The following SPARCL1 variants were observed in gnomAD, a reference collection of about 807,000 sequenced individuals.
SPARCL1 encodes the protein SPARC-like protein 1.
In SPARCL1, 52 loss-of-function variants were observed where a neutral mutation model predicts 67.1. The observed-to-expected ratio is 0.78, with a 90% confidence interval of 0.62 to 0.98. The LOEUF is 0.98. Among genes scored for constraint, SPARCL1 ranks in the 50% least tolerant of loss-of-function variants. The pLI, the probability that SPARCL1 is intolerant of heterozygous loss-of-function variation, is 0.00. For missense variants in SPARCL1, 717 were observed against 782.4 expected, an observed-to-expected ratio of 0.92 and a Z score of 1.00; for synonymous variants, 226 against 267.8, an observed-to-expected ratio of 0.84 and a Z score of 1.52.
intron 7 of SPARCL1, among the ~76,000 whole-genome samples, chr4:87,488,073 C>G (rs1724147838): frequency 6.6e-6 from 1 of 152,088 alleles, no homozygotes; most frequent in South Asian, 2.1e-4. Flanking sequence ...TTGTTATTAC[C>G]CATGTTCTGA....
Position 87,490,397 on chromosome 4 carries a change from TGGAAGA to T in SPARCL1, c.1411-10_1411-5del, listed in dbSNP as rs1157060796. The T allele has an allele frequency of 1.9e-6, 3 of 1,600,038 alleles. No homozygotes were observed. Among genetic ancestry groups the T allele is most frequent in the Non-Finnish European group, 2.6e-6 (3 of 1,175,884 alleles). ...TCTGATTGTCAGTGCCACAAACCTA[TGGAAGA>T]TAAGTAGAAGAAAAAGCTGATAGAG... On this transcript the variant is annotated splice_polypyrimidine_tract_variant and splice_region_variant and intron_variant, in intron 6 of 10. Transcript: ENST00000282470.
At chr4:87,480,938 C>A (rs1190330917) in intron 8 of SPARCL1, among the ~76,000 whole-genome samples, 1 of 151,198 alleles carries the variant, frequency 6.6e-6, no homozygotes, top group East Asian at 2.0e-4. Context: ...TCTTAGTCTT[C>A]TAGGTCATCC....
At chr4:87,499,608 T>G (rs191436063) in intron 1 of SPARCL1, 23 bp from the exon 2 acceptor site, 71 of 1,560,980 alleles carry the variant, frequency 4.5e-5, no homozygotes, top group Non-Finnish European at 6.0e-5. Context: ...AAGATAATTA[T>G]CAGTGGCAGG....
intron 1 of SPARCL1, among the ~76,000 whole-genome samples, chr4:87,514,306 G>A (rs886229523): frequency 2.0e-5 from 3 of 152,346 alleles, no homozygotes; most frequent in Non-Finnish European, 4.4e-5. Flanking sequence ...TGGCGTAGCT[G>A]TATGGAAGAT....
intron 7 of SPARCL1, among the ~76,000 whole-genome samples, chr4:87,489,783 G>A (rs973933159): frequency 6.6e-6 from 1 of 152,220 alleles, no homozygotes; most frequent in South Asian, 2.1e-4. Flanking sequence ...GGAAACATTA[G>A]TGAGCACTGC....
intron 5 of SPARCL1, among the ~76,000 whole-genome samples, chr4:87,491,413 C>T (rs960095268): frequency 6.6e-6 from 1 of 152,030 alleles, no homozygotes; most frequent in Admixed American, 6.6e-5. Context: ...ACAGGGCTTC[C>T]AGTTTGCAAA....
chr4:87,494,252 T>C lies in SPARCL1; in HGVS notation c.548A>G (p.Gln183Arg), dbSNP rs1229015203. 6.2e-7 allele frequency: 1 copy of C among 1,613,070 alleles called. No individual in the cohort carries two copies. Among genetic ancestry groups the C allele is most frequent in the East Asian group, 2.2e-5 (1 of 44,868 alleles). Residue 183 changes from glutamine to arginine, a missense_variant, in exon 4 of 11, where the codon CAA becomes CGA. Transcript: ENST00000282470. ...HQLNRSSKHS[Q>R]GLRDQGNQEQ... ...TTGGTTTCCTTGATCCCTTAGGCCT[T>C]GGCTATGTTTACTGCTCCTGTTCAA... is the stretch of plus-strand genomic sequence containing the variant.
At chr4:87,475,521 G>C (rs1723550547) in intron 10 of SPARCL1, among the ~76,000 whole-genome samples, 1 of 152,076 alleles carries the variant, frequency 6.6e-6, no homozygotes, top group South Asian at 2.1e-4. Context: ...TTCCTTGGGA[G>C]AATTAATTCC....
Position 87,473,782 on chromosome 4 carries a change from A to C in SPARCL1, c.1988T>G (p.Leu663Trp). Residue 663 changes from leucine to tryptophan, a missense_variant, in exon 11 of 11, where the codon TTG becomes TGG. By Grantham distance (61) the Leu-to-Trp change is moderately conservative (BLOSUM62 -2). Transcript: ENST00000282470. Reference sequence around the variant, plus strand: ...GTTCTTTAAAATCTTCGTTCAAAACAAGAGATTTTCATCTATGTCCTCTAT... The same window carrying C: ...GTTCTTTAAAATCTTCGTTCAAAACCAGAGATTTTCATCTATGTCCTCTAT... ...IKEEDIDENLLF is the reference protein window; with the variant it reads ...IKEEDIDENLWF 6.2e-7 allele frequency: 1 copy of C among 1,609,976 alleles called. No individual in the cohort carries two copies. The highest frequency in any genetic ancestry group is 8.5e-7 in the Non-Finnish European group (1 of 1,177,102).
intron 1 of SPARCL1, among the ~76,000 whole-genome samples, chr4:87,520,019 C>G (rs767074398): frequency 1.3e-5 from 2 of 152,028 alleles, no homozygotes; most frequent in African/African-American, 2.4e-5. Flanking sequence ...GTGGGTGGAT[C>G]ACTTGAGGCC....
At chr4:87,491,391 A>G (rs1042503393) in intron 5 of SPARCL1, among the ~76,000 whole-genome samples, 3 of 152,220 alleles carry the variant, frequency 2.0e-5, no homozygotes, top group Admixed American at 2.0e-4. Context: ...TAGCCCTTTC[A>G]CTAATATCTC....
chr4:87,489,849 G>A (rs1724239901), intron 7 of SPARCL1, among the ~76,000 whole-genome samples: 1 of 152,168 alleles, frequency 6.6e-6, no homozygotes. Context: ...AGAATATCCT[G>A]GGGAAGGAAG....
At chr4:87,493,109 T>C (rs998195832) in intron 4 of SPARCL1, among the ~76,000 whole-genome samples, 1 of 152,180 alleles carries the variant, frequency 6.6e-6, no homozygotes, top group South Asian at 2.1e-4. Context: ...CAATGGCCAA[T>C]ATCTGCATTT....
intron 1 of SPARCL1, among the ~76,000 whole-genome samples, chr4:87,512,423 G>A (rs1215170445): frequency 6.6e-6 from 1 of 152,096 alleles, no homozygotes; most frequent in Non-Finnish European, 1.5e-5. Flanking sequence ...TTAACCTTGT[G>A]ATTTGCTTTG....
Position 87,473,654 on chromosome 4 carries a change from T to C in SPARCL1, c.*121A>G, listed in dbSNP as rs961857151. The C allele has an allele frequency of 7.4e-5, 49 of 664,410 alleles. No homozygotes were observed. Among genetic ancestry groups the C allele is most frequent in the Non-Finnish European group, 1.2e-4 (47 of 389,030 alleles). The allele number at this position is 664,410 out of a possible 1,614,324, so 41.2% of individuals were successfully genotyped here. A position where few individuals can be genotyped will look rare whatever the true frequency, so the allele number is the denominator to read the frequency against. Reference sequence around the variant, plus strand: ...TGTTGTCAAGCAATTACTCTCATTGTCTTGTCATACATGCTAACATTTTGC... The same window carrying C: ...TGTTGTCAAGCAATTACTCTCATTGCCTTGTCATACATGCTAACATTTTGC... On this transcript the variant is annotated 3_prime_UTR_variant, in exon 11 of 11. Transcript: ENST00000282470.
intron 1 of SPARCL1, among the ~76,000 whole-genome samples, chr4:87,511,328 A>C (rs1725345087): frequency 6.6e-6 from 1 of 152,212 alleles, no homozygotes; most frequent in Non-Finnish European, 1.5e-5. Context: ...CAACTTAGTA[A>C]ATGGTGGTAT....
intron 1 of SPARCL1, among the ~76,000 whole-genome samples, chr4:87,519,315 A>G (rs561064267): frequency 1.3e-5 from 2 of 152,126 alleles, no homozygotes; most frequent in African/African-American, 2.4e-5. Context: ...CAAGTGATCC[A>G]CCTGACTCAG....
At chr4:87,528,064 T>C (rs1008079801) in intron 1 of SPARCL1, 1 of 152,168 alleles carries the variant, frequency 6.6e-6, no homozygotes, top group East Asian at 1.9e-4. Flanking sequence ...AATGCCAAGG[T>C]GACATATTTA....
Position 87,494,158 on chromosome 4 carries a change from G to A in SPARCL1, c.642C>T (p.His214=), listed in dbSNP as rs1181516003. The A allele has an allele frequency of 1.2e-6, 2 of 1,613,490 alleles. No homozygotes were observed. Among genetic ancestry groups the A allele is most frequent in the Non-Finnish European group, 1.7e-6 (2 of 1,179,992 alleles). The change falls in exon 4 of 11, where the codon CAC becomes CAT. Residue 214 remains histidine, a synonymous_variant. Transcript: ENST00000282470. ...CTGTCTTTCTTTCTTGGTTATCATTGTGGGTACCAACTTCACCTGGCTCTT... is the reference window on the plus strand; with the variant it reads ...CTGTCTTTCTTTCTTGGTTATCATTATGGGTACCAACTTCACCTGGCTCTT... ...EEKEPGEVGT[H]NDNQERKTEL...
Sources: allele counts gnomAD v4.1 joint callset (sites outside exome capture counted in the v4.1 genomes callset), GRCh38; gene constraint gnomAD v4.1.1; transcripts MANE v1.5; gene names NCBI Gene and HGNC (gene_info 2026-07-23, HGNC 2026-07-21).